Variants in PPARGC1A observed in about 807,000 individuals in gnomAD.
PPARGC1A encodes peroxisome proliferator-activated receptor gamma coactivator 1-alpha.
PPARGC1A carries 25 observed loss-of-function variants against 88.7 expected under a neutral mutation model. The ratio of observed to expected loss-of-function variants is 0.28; its 90% CI spans 0.21 to 0.39. PPARGC1A has a LOEUF of 0.39. Ranked by LOEUF, PPARGC1A falls within the 10% of genes least tolerant of loss-of-function variation. The probability of loss-of-function intolerance (pLI) is 1.00; values close to 1 mark genes in which losing one functional copy is unlikely to be tolerated. For missense variants in PPARGC1A, 880 were observed against 968.7 expected, an observed-to-expected ratio of 0.91 and a Z score of 1.22; for synonymous variants, 363 against 355.6, an observed-to-expected ratio of 1.02 and a Z score of -0.24.
At chr4:24,205,909 C>T in the PPARGC1A span, among the ~76,000 whole-genome samples, 1 of 152,178 alleles carries the variant, frequency 6.6e-6, no homozygotes, top group African/African-American at 2.4e-5. Flanking sequence ...AAACCTCTGA[C>T]AATCAAGATT....
Position 23,824,544 on chromosome 4 carries a change from T to G in PPARGC1A, c.758-36A>C, listed in dbSNP as rs192071187. 599 of 1,519,870 alleles carry G rather than the reference T, an allele frequency of 3.9e-4. 1 individual carries two copies. In the African/African-American group the frequency reaches 7.4e-3, roughly 19 times the overall value. 94.1% of individuals were successfully genotyped at this position (1,519,870 alleles called of 1,614,324 possible). A position where few individuals can be genotyped will look rare whatever the true frequency, so the allele number is the denominator to read the frequency against. On this transcript the variant is annotated intron_variant, in intron 5 of 12. Transcript: ENST00000264867. ...AAAAAAGAAACTAATTATGTAATAT[T>G]GAGTGTCTTTTAGATTTCTTTTCTC...
chr4:23,914,437 AACAG>A, the PPARGC1A span, among the ~76,000 whole-genome samples: 1 of 152,220 alleles, frequency 6.6e-6, no homozygotes, highest in Non-Finnish European at 1.5e-5. Flanking sequence ...TAGTGGAGGA[AACAG>A]ACAGATCCAC....
At chr4:24,436,861 T>A in the PPARGC1A span, among the ~76,000 whole-genome samples, 684 of 149,754 alleles carry the variant, frequency 4.6e-3, 7 homozygotes, top group African/African-American at 0.016. Flanking sequence ...AGAGCCCAGG[T>A]CACAGAGCTA....
the PPARGC1A span, among the ~76,000 whole-genome samples, chr4:24,355,952 T>G: frequency 3.6e-4 from 54 of 152,096 alleles, no homozygotes; most frequent in Middle Eastern, 3.4e-3. Context: ...ATCCCGGTAC[T>G]TTGGGAGGCT....
At chr4:24,079,418 T>C in the PPARGC1A span, among the ~76,000 whole-genome samples, 1 of 152,106 alleles carries the variant, frequency 6.6e-6, no homozygotes, top group Non-Finnish European at 1.5e-5. Context: ...ATATCTTCTG[T>C]TAATTGCTCA....
the PPARGC1A span, among the ~76,000 whole-genome samples, chr4:24,318,002 G>A: frequency 3.3e-5 from 5 of 152,166 alleles, no homozygotes; most frequent in Non-Finnish European, 5.9e-5. Flanking sequence ...AAGTTCTGTC[G>A]TGATTAAAGC....
chr4:23,903,489 A>G (rs1311435379), upstream of PPARGC1A, among the ~76,000 whole-genome samples: 1 of 152,200 alleles, frequency 6.6e-6, no homozygotes, highest in Non-Finnish European at 1.5e-5. Context: ...ATGTTTGAGT[A>G]ATGTTGAGAG....
intron 2 of PPARGC1A, among the ~76,000 whole-genome samples, chr4:23,842,457 G>A (rs1727223423): frequency 6.6e-6 from 1 of 152,044 alleles, no homozygotes; most frequent in Admixed American, 6.6e-5. Flanking sequence ...TCTTTTATCA[G>A]AAAAACTTGG....
chr4:24,066,315 G>A, the PPARGC1A span, among the ~76,000 whole-genome samples: 1 of 151,964 alleles, frequency 6.6e-6, no homozygotes, highest in Admixed American at 6.5e-5. Context: ...CTGTGATGGT[G>A]GTTATTGTTC....
At chr4:24,354,236 A>G in the PPARGC1A span, among the ~76,000 whole-genome samples, 3 of 152,182 alleles carry the variant, frequency 2.0e-5, no homozygotes, top group African/African-American at 4.8e-5. Flanking sequence ...TCATGTGATT[A>G]CATTGGGCCC....
the PPARGC1A span, among the ~76,000 whole-genome samples, chr4:23,984,713 C>T: frequency 6.6e-6 from 1 of 152,118 alleles, no homozygotes; most frequent in Admixed American, 6.6e-5. Flanking sequence ...ATTCTCTCAA[C>T]ATCTTCAAGT....
chr4:24,194,641 C>T, the PPARGC1A span, among the ~76,000 whole-genome samples: 1,271 of 19,958 alleles, frequency 0.064, 18 homozygotes, highest in African/African-American at 0.12. Context: ...CACACACACA[C>T]ACACACACAC....
the PPARGC1A span, among the ~76,000 whole-genome samples, chr4:24,114,601 G>A: frequency 5.9e-5 from 9 of 152,070 alleles, no homozygotes; most frequent in African/African-American, 1.7e-4. Context: ...ACAGCCTCCC[G>A]GCATGCCTTC....
chr4:23,898,437 C>A (rs940109721), intron 1 of PPARGC1A, among the ~76,000 whole-genome samples: 2 of 152,116 alleles, frequency 1.3e-5, no homozygotes, highest in Non-Finnish European at 2.9e-5. Context: ...AACTTCTCTA[C>A]CAGAAATTAG....
At chr4:23,984,504 TAA>T in the PPARGC1A span, among the ~76,000 whole-genome samples, 1 of 151,964 alleles carries the variant, frequency 6.6e-6, no homozygotes, top group Non-Finnish European at 1.5e-5. Context: ...TAGATCTCAC[TAA>T]AAGAGTAATT....
the PPARGC1A span, among the ~76,000 whole-genome samples, chr4:24,317,599 C>CCACCACCA: frequency 1.4e-5 from 1 of 73,534 alleles, no homozygotes; most frequent in Non-Finnish European, 3.4e-5. Flanking sequence ...AAAAAAAACA[C>CCACCACCA]CACCACCAAA....
the PPARGC1A span, among the ~76,000 whole-genome samples, chr4:24,040,305 G>T: frequency 6.6e-6 from 1 of 152,154 alleles, no homozygotes; most frequent in Non-Finnish European, 1.5e-5. Context: ...ATTTTAAAAA[G>T]CACAAATGAT....
At chr4:23,820,798 G>T (rs2109554839) in intron 7 of PPARGC1A, among the ~76,000 whole-genome samples, 1 of 152,152 alleles carries the variant, frequency 6.6e-6, no homozygotes, top group East Asian at 1.9e-4. Flanking sequence ...TTATTCTGGA[G>T]GTCTTAGAAT....
chr4:24,255,713 G>C, the PPARGC1A span, among the ~76,000 whole-genome samples: 1 of 152,168 alleles, frequency 6.6e-6, no homozygotes, highest in Admixed American at 6.5e-5. Flanking sequence ...TGGAAACCTC[G>C]CTTCTTCTCC....
Sources: allele counts gnomAD v4.1 joint callset (sites outside exome capture counted in the v4.1 genomes callset), GRCh38; gene constraint gnomAD v4.1.1; transcripts MANE v1.5; gene names NCBI Gene and HGNC (gene_info 2026-07-23, HGNC 2026-07-21).